Variants in PRKCA observed in about 807,000 individuals in gnomAD.
The protein encoded by PRKCA is protein kinase C alpha, also known as protein kinase C alpha type.
In PRKCA, 27 loss-of-function variants were observed where a neutral mutation model predicts 87.0. That is an observed-to-expected ratio of 0.31 (90% CI 0.23 to 0.43). PRKCA has a LOEUF of 0.43. PRKCA is among the 20% of genes least tolerant of loss of function. PRKCA has a pLI of 1.00. For missense variants in PRKCA, 518 were observed against 852.3 expected, an observed-to-expected ratio of 0.61 and a Z score of 4.88; for synonymous variants, 329 against 311.1, an observed-to-expected ratio of 1.06 and a Z score of -0.61.
intron 3 of PRKCA, among the ~76,000 whole-genome samples, chr17:66,636,581 T>A (rs1171761788): frequency 6.6e-6 from 1 of 152,186 alleles, no homozygotes; most frequent in Non-Finnish European, 1.5e-5. Flanking sequence ...GGGAGTCCTG[T>A]TTCCTCCCCA....
At chr17:66,535,471 G>C (rs1166247395) in intron 3 of PRKCA, among the ~76,000 whole-genome samples, 2 of 152,114 alleles carry the variant, frequency 1.3e-5, no homozygotes, top group African/African-American at 2.4e-5. Flanking sequence ...GCTCCATCTT[G>C]GACCCAAATT....
intron 8 of PRKCA, among the ~76,000 whole-genome samples, chr17:66,709,493 G>C (rs1973272087): frequency 6.6e-6 from 1 of 151,418 alleles, no homozygotes; most frequent in Non-Finnish European, 1.5e-5. Flanking sequence ...TATTTTAGTA[G>C]AGACAAGGTT....
At chr17:66,731,038 A>G (rs1214609322) in intron 8 of PRKCA, among the ~76,000 whole-genome samples, 1 of 152,146 alleles carries the variant, frequency 6.6e-6, no homozygotes, top group Non-Finnish European at 1.5e-5. Context: ...CTGCTGCACT[A>G]GGGAGGGAGG....
At chr17:66,361,310 A>G (rs1170424558) in intron 2 of PRKCA, among the ~76,000 whole-genome samples, 6 of 130,832 alleles carry the variant, frequency 4.6e-5, no homozygotes, top group African/African-American at 1.6e-4. Context: ...AGACGCATAC[A>G]TTAGATTTTT....
chr17:66,703,805 A>AT (rs1973125259), intron 8 of PRKCA: 1 of 151,942 alleles, frequency 6.6e-6, no homozygotes. Context: ...AAGAAAAAAA[A>AT]AAATAGAAAA....
At chr17:66,493,347 C>T (rs1916327699) in intron 2 of PRKCA, among the ~76,000 whole-genome samples, 1 of 147,430 alleles carries the variant, frequency 6.8e-6, no homozygotes, top group Admixed American at 6.8e-5. Context: ...TGTCATATAC[C>T]CATTTTCCTG....
At chr17:66,688,476 A>G in intron 7 of PRKCA, 40 bp downstream of exon 7, 2 of 1,609,218 alleles carry the variant, frequency 1.2e-6, no homozygotes, top group Non-Finnish European at 1.7e-6. Flanking sequence ...TCAAAGCATC[A>G]GACCATTTAG....
At chr17:66,537,673 A>C (rs532391092) in intron 3 of PRKCA, among the ~76,000 whole-genome samples, 1 of 152,310 alleles carries the variant, frequency 6.6e-6, no homozygotes, top group South Asian at 2.1e-4. Flanking sequence ...CAGTAGAAAA[A>C]TACCAACGTT....
At chr17:66,778,347 A>T (rs1382684356) in intron 14 of PRKCA, 6 of 517,262 alleles carry the variant, frequency 1.2e-5, no homozygotes, top group Non-Finnish European at 1.5e-5. Flanking sequence ...CCCCATCTCT[A>T]CTAAAAATGC....
chr17:66,431,431 C>T lies in PRKCA; in HGVS notation c.206-64770C>T, dbSNP rs115645582. Among the ~76,000 whole-genome samples the T allele has an allele frequency of 2.2e-3, 342 of 152,232 alleles. 1 individual carries two copies. The highest frequency in any genetic ancestry group is 7.8e-3 in the African/African-American group (322 of 41,534). ...CATACTTTTCTTAATGGAACAAGCA[C>T]GTTTCTTCAGGAAAGGTGGCCTCAT... is the stretch of plus-strand genomic sequence containing the variant. On this transcript the variant is annotated intron_variant, in intron 2 of 16. Transcript: ENST00000413366.
chr17:66,567,897 C>T (rs1164394917), intron 3 of PRKCA, among the ~76,000 whole-genome samples: 2 of 152,206 alleles, frequency 1.3e-5, no homozygotes, highest in Non-Finnish European at 2.9e-5. Flanking sequence ...CTTCGTGAGC[C>T]AGTGGATGGG....
At chr17:66,314,981 GTATGTGTATATA>G (rs1905243326) in intron 2 of PRKCA, among the ~76,000 whole-genome samples, 2 of 151,502 alleles carry the variant, frequency 1.3e-5, no homozygotes, top group African/African-American at 4.9e-5. Flanking sequence ...ATGTGTGTAT[GTATGTGTATATA>G]TATGTGTATA....
intron 13 of PRKCA, among the ~76,000 whole-genome samples, chr17:66,744,306 G>A (rs140712354): frequency 6.6e-6 from 1 of 152,272 alleles, no homozygotes; most frequent in Non-Finnish European, 1.5e-5. Context: ...TCAGGGTACT[G>A]TCAGAAATAC....
chr17:66,623,651 G>A (rs1476222548), intron 3 of PRKCA, among the ~76,000 whole-genome samples: 2 of 152,142 alleles, frequency 1.3e-5, no homozygotes, highest in African/African-American at 4.8e-5. Flanking sequence ...CCTGCTACGT[G>A]TAGAATTTAC....
chr17:66,688,918 C>A (rs1445672885), intron 7 of PRKCA, 33 bp from the exon 8 acceptor site: 11 of 1,381,776 alleles, frequency 8.0e-6, no homozygotes, highest in Non-Finnish European at 1.0e-6. Context: ...GTTAAACTTG[C>A]GGTGGTAACT....
At chr17:66,788,503 T>G (rs375026808) in intron 15 of PRKCA, among the ~76,000 whole-genome samples, 15 of 152,346 alleles carry the variant, frequency 9.8e-5, no homozygotes, top group African/African-American at 3.6e-4. Context: ...TGCATGCTTT[T>G]TTTTTTATTA....
chr17:66,615,774 G>A (rs916877449), intron 3 of PRKCA, among the ~76,000 whole-genome samples: 4 of 152,096 alleles, frequency 2.6e-5, no homozygotes, highest in African/African-American at 9.7e-5. Context: ...CCTGGTCAGG[G>A]TTTCAGTGAA....
At chr17:66,626,237 T>A (rs1204077007) in intron 3 of PRKCA, among the ~76,000 whole-genome samples, 1 of 151,152 alleles carries the variant, frequency 6.6e-6, no homozygotes, top group African/African-American at 2.4e-5. Flanking sequence ...CACTCTGTCA[T>A]CCAGCAGTGG....
At chr17:66,779,131 A>T (rs1311689624) in intron 14 of PRKCA, among the ~76,000 whole-genome samples, 1 of 152,188 alleles carries the variant, frequency 6.6e-6, no homozygotes, top group Non-Finnish European at 1.5e-5. Flanking sequence ...AACGGAATAG[A>T]TGTTGTTATT....
Sources: allele counts gnomAD v4.1 joint callset (sites outside exome capture counted in the v4.1 genomes callset), GRCh38; gene constraint gnomAD v4.1.1; transcripts MANE v1.5; gene names NCBI Gene and HGNC (gene_info 2026-07-23, HGNC 2026-07-21).